Variants in COL24A1 observed in about 807,000 individuals in gnomAD.
COL24A1 encodes the protein collagen type XXIV alpha 1 chain.
A neutral mutation model predicts 253.9 loss-of-function variants in COL24A1; 224 were observed. The ratio of observed to expected loss-of-function variants is 0.88; its 90% confidence interval spans 0.79 to 0.99. COL24A1 has a LOEUF of 0.99. Ranked by LOEUF, COL24A1 falls within the 50% of genes least tolerant of loss-of-function variation. The pLI is 0.00. For missense variants in COL24A1, 2,131 were observed against 2,068.5 expected (o/e 1.03, Z -0.59); for synonymous variants, 685 against 673.7 (o/e 1.02, Z -0.26).
chr1:85,819,034 TCTC>T (rs2101947972), intron 45 of COL24A1, among the ~76,000 whole-genome samples: 1 of 152,220 alleles, frequency 6.6e-6, no homozygotes, highest in East Asian at 1.9e-4. Context: ...AAGAGCATCT[TCTC>T]TAAGAGATAA....
At chr1:86,123,031 A>G (rs1198234731) in intron 3 of COL24A1, among the ~76,000 whole-genome samples, 3 of 151,974 alleles carry the variant, frequency 2.0e-5, no homozygotes, top group Admixed American at 6.6e-5. Context: ...TTTACCAACA[A>G]TGTCATTGTG....
At chr1:85,997,843 G>GA (rs34765379) in intron 19 of COL24A1, among the ~76,000 whole-genome samples, 18 of 151,856 alleles carry the variant, frequency 1.2e-4, no homozygotes, top group Non-Finnish European at 2.1e-4. Context: ...GAGATATAAG[G>GA]AAAAAAAGAG....
rs559914898 is a variant in COL24A1 at position 85,784,745 on chromosome 1, A to G, written c.4060-379T>C. Among the ~76,000 whole-genome samples, 8 of 151,954 alleles carry G rather than the reference A, an allele frequency of 5.3e-5. No homozygotes were observed. The South Asian group carries it at 1.7e-3, about 32-fold the overall frequency. On this transcript the variant is annotated intron_variant, in intron 48 of 59. Transcript: ENST00000370571. ...TGTTTATTTATTTATTTTATTTTTTATTAGAGATGGGGTCTTGCTCTGTTG... is the reference window on the plus strand; with the variant it reads ...TGTTTATTTATTTATTTTATTTTTTGTTAGAGATGGGGTCTTGCTCTGTTG...
intron 3 of COL24A1, among the ~76,000 whole-genome samples, chr1:86,117,110 T>C (rs764642676): frequency 1.5e-4 from 23 of 152,212 alleles, no homozygotes; most frequent in Non-Finnish European, 2.9e-4. Flanking sequence ...TAAAAATGTC[T>C]AGTTTGGTTT....
intron 38 of COL24A1, 146 bp downstream of exon 38, chr1:85,849,207 A>T: frequency 2.3e-6 from 1 of 433,096 alleles, no homozygotes; most frequent in Non-Finnish European, 4.1e-6. Flanking sequence ...TTAAATATTA[A>T]TTTATATAAA....
At chr1:85,981,576 A>G (rs1693260827) in intron 20 of COL24A1, among the ~76,000 whole-genome samples, 1 of 152,206 alleles carries the variant, frequency 6.6e-6, no homozygotes, top group South Asian at 2.1e-4. Context: ...TCTTCTAGAC[A>G]CAGGCTTAGG....
chr1:85,755,928 G>A (rs1406885436), intron 55 of COL24A1, among the ~76,000 whole-genome samples: 1 of 138,294 alleles, frequency 7.2e-6, no homozygotes, highest in Non-Finnish European at 1.6e-5. Flanking sequence ...AAACTTCTGT[G>A]CATCAAGGGA....
At chr1:85,869,532 G>A (rs1680182781) in intron 35 of COL24A1, among the ~76,000 whole-genome samples, 1 of 152,146 alleles carries the variant, frequency 6.6e-6, no homozygotes, top group African/African-American at 2.4e-5. Flanking sequence ...AAGAGAGTGG[G>A]GGCCAACATT....
chr1:85,813,476 C>T (rs1233108005), intron 47 of COL24A1, among the ~76,000 whole-genome samples: 1 of 143,650 alleles, frequency 7.0e-6, no homozygotes, highest in African/African-American at 2.6e-5. Flanking sequence ...CCTCCTTTGG[C>T]ATCCAGGACT....
At chr1:85,879,752 T>C (rs1681608766) in intron 32 of COL24A1, among the ~76,000 whole-genome samples, 2 of 152,080 alleles carry the variant, frequency 1.3e-5, no homozygotes, top group South Asian at 2.1e-4. Flanking sequence ...ATCCTCATTG[T>C]CTCCATGCTG....
chr1:85,986,111 A>G (rs1163036484), intron 20 of COL24A1, among the ~76,000 whole-genome samples: 2 of 151,754 alleles, frequency 1.3e-5, no homozygotes, highest in Non-Finnish European at 2.9e-5. Flanking sequence ...CTCTCACAGT[A>G]TTGCTGATTA....
chr1:86,027,986 G>C (rs938136832), intron 14 of COL24A1, among the ~76,000 whole-genome samples: 16 of 152,162 alleles, frequency 1.1e-4, no homozygotes, highest in African/African-American at 3.4e-4. Context: ...GGAATTTTAA[G>C]TTTTAATGAC....
intron 22 of COL24A1, among the ~76,000 whole-genome samples, chr1:85,968,951 A>T (rs1033442958): frequency 6.6e-6 from 1 of 152,192 alleles, no homozygotes; most frequent in Non-Finnish European, 1.5e-5. Flanking sequence ...TCTTATTTTC[A>T]CATCTAAAAA....
chr1:85,906,917 A>G (rs2102893725), intron 28 of COL24A1, among the ~76,000 whole-genome samples: 1 of 152,032 alleles, frequency 6.6e-6, no homozygotes, highest in South Asian at 2.1e-4. Flanking sequence ...CTCTCAAAGA[A>G]TGGAATTGGA....
At chr1:86,146,314 T>G (rs1445320302) in intron 1 of COL24A1, 131 bp from the exon 2 acceptor site, 38 of 714,970 alleles carry the variant, frequency 5.3e-5, no homozygotes, top group Non-Finnish European at 6.5e-5. Context: ...TTAATATTCA[T>G]AGTGGTTAAG....
intron 23 of COL24A1, 61 bp from the exon 24 acceptor site, chr1:85,961,354 C>T: frequency 7.7e-7 from 1 of 1,303,504 alleles, no homozygotes. Context: ...TTATTCATGA[C>T]AGTTTCAATT....
rs1680884709 is a variant in COL24A1, at chr1:85,874,272, A to T, written c.3138+377T>A. On this transcript the variant is annotated intron_variant, in intron 35 of 59. Coordinates refer to ENST00000370571, the MANE Select transcript of COL24A1 (RefSeq NM_152890.7). ...CATAGGTTTGGTTTTTTTTTAGAGC[A>T]AGTTAAATCTATAAATTAGATTTCA... 2.6e-5 allele frequency among the ~76,000 whole-genome samples: 4 copies of T among 152,124 alleles called. No individual in the cohort carries two copies. The South Asian group carries it at 8.3e-4, about 32-fold the overall frequency.
chr1:85,738,024 C>T (rs1407932895), intron 57 of COL24A1, among the ~76,000 whole-genome samples: 2 of 152,084 alleles, frequency 1.3e-5, no homozygotes, highest in East Asian at 3.8e-4. Flanking sequence ...CTATCAATTT[C>T]AGAGTGTTTC....
chr1:86,120,689 TGATGG>T (rs1706659457), intron 3 of COL24A1, among the ~76,000 whole-genome samples: 1 of 152,238 alleles, frequency 6.6e-6, no homozygotes, highest in African/African-American at 2.4e-5. Context: ...CTTACACTGT[TGATGG>T]GAGTGTAAAC....
Sources: gnomAD v4.1 joint callset for allele counts (sites outside exome capture counted in the v4.1 genomes callset) on GRCh38, gnomAD v4.1.1 for gene constraint, MANE v1.5 for transcripts, NCBI Gene and HGNC (gene_info 2026-07-23, HGNC 2026-07-21) for gene names.